B3GALNT1: variants seen among roughly 807,000 people sequenced by gnomAD.
B3GALNT1 encodes the protein UDP-GalNAc:beta-1,3-N-acetylgalactosaminyltransferase 1.
B3GALNT1 carries 17 observed loss-of-function variants against 27.3 expected under a neutral mutation model. That is an observed-to-expected ratio of 0.62 (90% CI 0.43 to 0.94). The LOEUF is 0.94. Among genes scored for constraint, B3GALNT1 ranks in the 40% least tolerant of loss-of-function variants. B3GALNT1 has a pLI of 0.00. For missense variants in B3GALNT1, 347 were observed against 390.0 expected (o/e 0.89, Z 0.93); for synonymous variants, 141 against 144.0 (o/e 0.98, Z 0.15).
rs1267035426 is a variant in B3GALNT1, at chr3:161,105,339, G to C, written c.-413C>G. On this transcript the variant is annotated 5_prime_UTR_variant, in exon 1 of 5. Transcript: ENST00000320474. ...CGCATCCGCACGCACGGCCGGGCGC[G>C]CGCAGACCACGCGCCAGGGCCGCGG... 1.3e-5 allele frequency: 2 copies of C among 151,990 alleles called. No homozygotes were observed. The highest frequency in any genetic ancestry group is 2.9e-5 in the Non-Finnish European group (2 of 67,978). 9.4% of individuals were successfully genotyped at this position (151,990 alleles called of 1,614,324 possible). A position where few individuals can be genotyped will look rare whatever the true frequency, so the allele number is the denominator to read the frequency against.
At chr3:161,098,730 G>A (rs186296580) in intron 4 of B3GALNT1, among the ~76,000 whole-genome samples, 15 of 152,328 alleles carry the variant, frequency 9.8e-5, no homozygotes, top group Admixed American at 4.6e-4. Context: ...AGAAATTCCT[G>A]AAGGGACTAA....
chr3:161,095,925 GACTCAA>G (rs1727922556), intron 4 of B3GALNT1, among the ~76,000 whole-genome samples: 1 of 152,186 alleles, frequency 6.6e-6, no homozygotes, highest in Non-Finnish European at 1.5e-5. Context: ...CCTCAACTGG[GACTCAA>G]ACCTAACACC....
chr3:161,101,599 C>T (rs1731320092), intron 3 of B3GALNT1, among the ~76,000 whole-genome samples: 1 of 152,132 alleles, frequency 6.6e-6, no homozygotes, highest in Non-Finnish European at 1.5e-5. Flanking sequence ...CACAACGACA[C>T]ATTTCACACC....
intron 4 of B3GALNT1, among the ~76,000 whole-genome samples, chr3:161,096,666 T>C (rs34868645): frequency 3.9e-5 from 6 of 152,150 alleles, no homozygotes; most frequent in Non-Finnish European, 5.9e-5. Context: ...ACCATTCAAT[T>C]AGACTTGTCA....
chr3:161,092,359 T>C (rs1371958924), intron 4 of B3GALNT1, among the ~76,000 whole-genome samples: 1 of 152,236 alleles, frequency 6.6e-6, no homozygotes, highest in Non-Finnish European at 1.5e-5. Flanking sequence ...ATGATATATG[T>C]ATAAATTATC....
chr3:161,089,089 A>G (rs1261397397), intron 4 of B3GALNT1, among the ~76,000 whole-genome samples: 2 of 152,230 alleles, frequency 1.3e-5, no homozygotes, highest in East Asian at 3.9e-4. Context: ...GCCAGCCACC[A>G]AAGTCCACTC....
chr3:161,092,261 CTA>C (rs1725519266), intron 4 of B3GALNT1, among the ~76,000 whole-genome samples: 1 of 152,036 alleles, frequency 6.6e-6, no homozygotes, highest in Admixed American at 6.6e-5. Context: ...CAATGGAATC[CTA>C]TATGATAGCT....
At chr3:161,099,924 G>C (rs944525470) in intron 4 of B3GALNT1, among the ~76,000 whole-genome samples, 1 of 152,134 alleles carries the variant, frequency 6.6e-6, no homozygotes, top group African/African-American at 2.4e-5. Flanking sequence ...ATTTTGAAAG[G>C]GTCACTAACA....
At chr3:161,096,580 T>G (rs1234041363) in intron 4 of B3GALNT1, among the ~76,000 whole-genome samples, 2 of 152,206 alleles carry the variant, frequency 1.3e-5, no homozygotes, top group African/African-American at 2.4e-5. Context: ...TAACTATCAA[T>G]TCACATCTTT....
intron 4 of B3GALNT1, among the ~76,000 whole-genome samples, chr3:161,097,417 T>A (rs1343731629): frequency 6.6e-6 from 1 of 152,196 alleles, no homozygotes; most frequent in Non-Finnish European, 1.5e-5. Flanking sequence ...GTGTCTTACA[T>A]GGCATGACAT....
At chr3:161,098,649 A>G (rs1226620313) in intron 4 of B3GALNT1, among the ~76,000 whole-genome samples, 1 of 152,226 alleles carries the variant, frequency 6.6e-6, no homozygotes, top group Non-Finnish European at 1.5e-5. Flanking sequence ...AGTTTAGTCC[A>G]ATTTCCATGC....
chr3:161,102,374 T>A (rs187416302), intron 3 of B3GALNT1, among the ~76,000 whole-genome samples: 5 of 152,246 alleles, frequency 3.3e-5, no homozygotes, highest in Middle Eastern at 3.4e-3. Flanking sequence ...CCCAGCCAAA[T>A]CTCCCAACCT....
chr3:161,099,875 G>A (rs767037881), intron 4 of B3GALNT1, among the ~76,000 whole-genome samples: 8 of 152,006 alleles, frequency 5.3e-5, no homozygotes, highest in Non-Finnish European at 8.8e-5. Context: ...AAGCATCTGG[G>A]CAAAGGGGGT....
At chr3:161,102,227 G>A (rs1046042124) in intron 3 of B3GALNT1, among the ~76,000 whole-genome samples, 3 of 152,148 alleles carry the variant, frequency 2.0e-5, no homozygotes, top group Non-Finnish European at 2.9e-5. Context: ...CACAGAAAGA[G>A]AAGCAACAGA....
chr3:161,103,962 G>A (rs1560021033), intron 2 of B3GALNT1: 2 of 203,150 alleles, frequency 9.8e-6, no homozygotes, highest in African/African-American at 2.4e-5. Flanking sequence ...CCCGACCTGA[G>A]GTGATCTGCC....
chr3:161,084,192 A>G lies in B3GALNT1; in HGVS notation c.*1567T>C, dbSNP rs1720673017. On this transcript the variant is annotated 3_prime_UTR_variant, in exon 5 of 5. Transcript: ENST00000320474. ...TAACCATGCCACAAAAATAACTACC[A>G]CCATCTGTCTTAAAGAACGTGACTC... is the stretch of plus-strand genomic sequence containing the variant. 1 of 152,154 alleles carries G rather than the reference A, an allele frequency of 6.6e-6. No individual in the cohort carries two copies. The highest frequency in any genetic ancestry group is 1.5e-5 in the Non-Finnish European group (1 of 68,022). 9.4% of individuals were successfully genotyped at this position (152,154 alleles called of 1,614,324 possible). A position where few individuals can be genotyped will look rare whatever the true frequency, so the allele number is the denominator to read the frequency against.
At chr3:161,097,598 C>T (rs1728886815) in intron 4 of B3GALNT1, among the ~76,000 whole-genome samples, 1 of 152,164 alleles carries the variant, frequency 6.6e-6, no homozygotes, top group African/African-American at 2.4e-5. Context: ...GGTAGAGGTC[C>T]ACAAAGCCAA....
At chr3:161,095,523 C>T (rs1727639954) in intron 4 of B3GALNT1, among the ~76,000 whole-genome samples, 1 of 152,222 alleles carries the variant, frequency 6.6e-6, no homozygotes, top group Non-Finnish European at 1.5e-5. Context: ...GGTATAACTG[C>T]CCTGCTGATG....
rs1721281543 is a variant in B3GALNT1 at position 161,085,694 on chromosome 3, A to G, written c.*65T>C. ...GACCTCCCCATGAATTTTCCACAGT[A>G]CCTACTTTATTTAACACTTTCCACA... On this transcript the variant is annotated 3_prime_UTR_variant, in exon 5 of 5. Transcript: ENST00000320474. 6.4e-7 allele frequency: 1 copy of G among 1,574,298 alleles called. No individual in the cohort carries two copies. The highest frequency in any genetic ancestry group is 8.7e-7 in the Non-Finnish European group (1 of 1,144,624).
Sources: allele counts gnomAD v4.1 joint callset (sites outside exome capture counted in the v4.1 genomes callset), GRCh38; gene constraint gnomAD v4.1.1; transcripts MANE v1.5; gene names NCBI Gene and HGNC (gene_info 2026-07-23, HGNC 2026-07-21).